Variants in AIM2 observed in about 807,000 individuals in gnomAD.
AIM2 encodes the protein absent in melanoma 2, also known as interferon-inducible protein AIM2.
A neutral mutation model predicts 27.7 loss-of-function variants in AIM2; 30 were observed. That is an observed-to-expected ratio of 1.08 (90% CI 0.81 to 1.47). The LOEUF (loss-of-function observed/expected upper bound fraction) is 1.47, where lower values mean the gene tolerates loss of function less well. AIM2 is among the 40% of genes most tolerant of loss of function. The pLI, the probability that AIM2 is intolerant of heterozygous loss-of-function variation, is 0.00. For missense variants in AIM2, 358 were observed against 411.3 expected, an observed-to-expected ratio of 0.87 and a Z score of 1.12; for synonymous variants, 141 against 145.3, an observed-to-expected ratio of 0.97 and a Z score of 0.21.
intron 1 of AIM2, among the ~76,000 whole-genome samples, chr1:159,137,794 A>C (rs1648038908): frequency 6.6e-6 from 1 of 152,226 alleles, no homozygotes; most frequent in African/African-American, 2.4e-5. Flanking sequence ...CGCATTTTGC[A>C]AGAAGACTTA....
rs534477589 is a variant in AIM2 at position 159,093,775 on chromosome 1, C to T, written c.-15-27446G>A. On this transcript the variant is annotated intron_variant, in intron 1 of 2. Coordinates refer to the AIM2 transcript ENST00000368129. ...AGAGAGAGACGGAGTCTTGTTCTGT[C>T]ACCAGGCTGGAGTGCAGTGGCACAA... 3.3e-5 allele frequency among the ~76,000 whole-genome samples: 5 copies of T among 151,734 alleles called. No homozygotes were observed. The South Asian group carries it at 8.3e-4, about 25-fold the overall frequency.
intron 2 of AIM2, among the ~76,000 whole-genome samples, chr1:159,071,763 G>T (rs1354226029): frequency 6.6e-6 from 1 of 152,198 alleles, no homozygotes; most frequent in Non-Finnish European, 1.5e-5. Flanking sequence ...ACCCGCCTTG[G>T]CCTCCCAAAG....
chr1:159,115,079 C>T (rs1421369500), intron 1 of AIM2, among the ~76,000 whole-genome samples: 1 of 152,142 alleles, frequency 6.6e-6, no homozygotes, highest in Non-Finnish European at 1.5e-5. Flanking sequence ...AACTCCCATT[C>T]ACAATTGCTT....
intron 1 of AIM2, among the ~76,000 whole-genome samples, chr1:159,130,796 G>A (rs1051816920): frequency 1.8e-5 from 2 of 113,680 alleles, no homozygotes; most frequent in East Asian, 5.3e-4. Flanking sequence ...TCTAAGCCTG[G>A]TCACCACACA....
chr1:159,055,738 ATC>A, the AIM2 span, among the ~76,000 whole-genome samples: 2 of 152,386 alleles, frequency 1.3e-5, no homozygotes, highest in Admixed American at 1.3e-4. Context: ...GAAAGTAAGT[ATC>A]TAAAACTAAA....
intron 1 of AIM2, among the ~76,000 whole-genome samples, chr1:159,091,074 C>T (rs182254050): frequency 6.6e-6 from 1 of 152,224 alleles, no homozygotes; most frequent in East Asian, 1.9e-4. Context: ...GATGAATCAC[C>T]ATTAAATGAG....
chr1:159,138,802 A>C (rs533955407), intron 1 of AIM2, among the ~76,000 whole-genome samples: 2 of 152,332 alleles, frequency 1.3e-5, no homozygotes, highest in South Asian at 4.1e-4. Context: ...TATTTCAGGC[A>C]CTGAGAATAC....
At chr1:159,069,895 G>T (rs1656276466) in intron 2 of AIM2, among the ~76,000 whole-genome samples, 1 of 152,104 alleles carries the variant, frequency 6.6e-6, no homozygotes, top group African/African-American at 2.4e-5. Flanking sequence ...CTGTCGAGGG[G>T]ACCCCATCCT....
Position 159,073,313 on chromosome 1 carries a change from T to C in AIM2, c.187A>G (p.Met63Val), listed in dbSNP as rs772438927. 1.2e-6 allele frequency: 2 copies of C among 1,614,194 alleles called. No homozygotes were observed. Residue 63 changes from methionine to valine, a missense_variant, in exon 2 of 6, where the codon ATG becomes GTG. Physicochemically the swap from Met to Val is conservative, Grantham distance 21 (BLOSUM62 1). Coordinates refer to ENST00000368130, the MANE Select transcript of AIM2 (RefSeq NM_004833.3). ...TTCTGAAAAATACGAATGGTCTTCA[T>C]CACTGCAGACACCGCCCCAGCATTT... ...IQNAGAVSAVMKTIRIFQKLN... is the reference protein window; with the variant it reads ...IQNAGAVSAVVKTIRIFQKLN...
intron 2 of AIM2, among the ~76,000 whole-genome samples, chr1:159,072,089 C>T (rs1031956794): frequency 6.6e-6 from 1 of 152,206 alleles, no homozygotes. Context: ...TGCCAATATG[C>T]CTAGATTCCT....
chr1:159,110,794 A>G (rs543939959), intron 1 of AIM2, among the ~76,000 whole-genome samples: 1 of 152,296 alleles, frequency 6.6e-6, no homozygotes, highest in Non-Finnish European at 1.5e-5. Flanking sequence ...CCTTCACTGC[A>G]CACATATTAA....
intron 1 of AIM2, among the ~76,000 whole-genome samples, chr1:159,097,471 C>A (rs1323968219): frequency 6.6e-6 from 1 of 152,086 alleles, no homozygotes; most frequent in African/African-American, 2.4e-5. Context: ...TGGACACACA[C>A]AATTTCACAG....
chr1:159,121,059 G>GT (rs1647523471), intron 1 of AIM2, among the ~76,000 whole-genome samples: 3 of 152,180 alleles, frequency 2.0e-5, no homozygotes, highest in Admixed American at 2.0e-4. Flanking sequence ...CCTAAAGACT[G>GT]TAAGTGGCAG....
At chr1:159,101,638 T>C (rs1657314227) in intron 1 of AIM2, among the ~76,000 whole-genome samples, 1 of 152,172 alleles carries the variant, frequency 6.6e-6, no homozygotes, top group Non-Finnish European at 1.5e-5. Flanking sequence ...ATGCTGATAG[T>C]GATATGGACA....
chr1:159,090,444 G>A (rs930462839), intron 1 of AIM2, among the ~76,000 whole-genome samples: 2 of 152,196 alleles, frequency 1.3e-5, no homozygotes, highest in African/African-American at 2.4e-5. Flanking sequence ...AGTCTCTCTC[G>A]CATACTGCTA....
intron 1 of AIM2, among the ~76,000 whole-genome samples, chr1:159,085,574 G>C (rs1656889566): frequency 6.6e-6 from 1 of 152,174 alleles, no homozygotes; most frequent in Non-Finnish European, 1.5e-5. Context: ...TATAAGCCTG[G>C]AGCTTAGACG....
intron 1 of AIM2, among the ~76,000 whole-genome samples, chr1:159,113,403 C>T (rs1647234877): frequency 6.6e-6 from 1 of 152,182 alleles, no homozygotes; most frequent in Non-Finnish European, 1.5e-5. Flanking sequence ...ACCAACACAC[C>T]TAGAAAGTTA....
At chr1:159,125,220 G>T (rs577076772) in intron 1 of AIM2, among the ~76,000 whole-genome samples, 1 of 152,200 alleles carries the variant, frequency 6.6e-6, no homozygotes, top group South Asian at 2.1e-4. Flanking sequence ...TCAGCAAAAC[G>T]GTATAAAAGC....
At chr1:159,142,164 G>A (rs1387795894), upstream of AIM2, among the ~76,000 whole-genome samples, 1 of 152,136 alleles carries the variant, frequency 6.6e-6, no homozygotes, top group African/African-American at 2.4e-5. Flanking sequence ...CAGAGACAAA[G>A]GAGCTGCTTC....
Sources: gnomAD v4.1 joint callset for allele counts (sites outside exome capture counted in the v4.1 genomes callset) on GRCh38, gnomAD v4.1.1 for gene constraint, MANE v1.5 for transcripts, NCBI Gene and HGNC (gene_info 2026-07-23, HGNC 2026-07-21) for gene names.